Variants in SHQ1 observed in about 807,000 individuals in gnomAD.
The protein encoded by SHQ1 is SHQ1, H/ACA ribonucleoprotein assembly factor.
Under a neutral mutation model 53.8 loss-of-function variants are expected in SHQ1, and 49 were observed. The observed-to-expected ratio is 0.91, with a 90% CI of 0.72 to 1.16. SHQ1 has a LOEUF of 1.16. Ranked by LOEUF, SHQ1 falls within the 50% of genes most tolerant of loss-of-function variation. SHQ1 has a pLI of 0.00. For missense variants in SHQ1, 738 were observed against 683.1 expected (o/e 1.08, Z -0.90); for synonymous variants, 243 against 251.0 (o/e 0.97, Z 0.30).
At chr3:72,739,304 C>T in the SHQ1 span, among the ~76,000 whole-genome samples, 1 of 152,192 alleles carries the variant, frequency 6.6e-6, no homozygotes, top group Non-Finnish European at 1.5e-5. Context: ...CCGACAATCC[C>T]CCTCCTCATC....
chr3:72,829,237 T>C (rs948489817), intron 5 of SHQ1, among the ~76,000 whole-genome samples: 4 of 152,184 alleles, frequency 2.6e-5, no homozygotes, highest in East Asian at 1.9e-4. Context: ...TTTGGACATG[T>C]TGAACAGAGG....
At chr3:72,786,351 T>C (rs961008408) in intron 10 of SHQ1, among the ~76,000 whole-genome samples, 75 of 152,194 alleles carry the variant, frequency 4.9e-4, no homozygotes, top group African/African-American at 1.8e-3. Flanking sequence ...CTTAAAACTC[T>C]TCAGATGCTC....
Position 72,792,784 on chromosome 3 carries a change from CAAAAAAAAAAAA to C in SHQ1, c.1181+120_1181+131del, listed in dbSNP as rs59948195. On this transcript the variant is annotated intron_variant, in intron 10 of 10. Coordinates refer to ENST00000325599, the MANE Select transcript of SHQ1 (RefSeq NM_018130.3). ...GGGTGACAAGGGCAAACCTCCATCT[CAAAAAAAAAAAA>C]AAAAAAAAAAAAAAACACAACTTAC... 1.4e-4 allele frequency: 35 copies of C among 258,902 alleles called. No individual in the cohort carries two copies. In the East Asian group the frequency reaches 2.2e-3, roughly 16 times the overall value. The allele number at this position is 258,902 out of a possible 1,614,324, so 16.0% of individuals were successfully genotyped here.
chr3:72,792,808 A>AC, intron 10 of SHQ1, 108 bp downstream of exon 10: 1 of 813,976 alleles, frequency 1.2e-6, no homozygotes, highest in African/African-American at 1.9e-5. Flanking sequence ...AAAAAAAAAA[A>AC]AAACACAACT....
chr3:72,843,343 T>C (rs1467472215), intron 2 of SHQ1, among the ~76,000 whole-genome samples: 3 of 152,186 alleles, frequency 2.0e-5, no homozygotes, highest in Admixed American at 6.5e-5. Flanking sequence ...TATGGCTTAA[T>C]AAGGTTTTCT....
chr3:72,750,118 A>C lies in SHQ1; in HGVS notation c.*166T>G, dbSNP rs1455579690. 5 of 624,890 alleles carry C rather than the reference A, an allele frequency of 8.0e-6. No homozygotes were observed. The highest frequency in any genetic ancestry group is 1.4e-5 in the Non-Finnish European group (5 of 364,426). The allele number at this position is 624,890 out of a possible 1,614,324, so 38.7% of individuals were successfully genotyped here. ...TTGGTACAGATGCGATTTTTTCTTC[A>C]ATATTTTTGATCTGCAGTTGGTTGA... On this transcript the variant is annotated 3_prime_UTR_variant, in exon 11 of 11. Transcript: ENST00000325599.
chr3:72,789,985 A>G (rs1009262331), intron 10 of SHQ1, among the ~76,000 whole-genome samples: 6 of 152,340 alleles, frequency 3.9e-5, no homozygotes, highest in African/African-American at 1.4e-4. Context: ...GACCTGACCT[A>G]TCTCTTATAA....
intron 4 of SHQ1, 81 bp from the exon 5 acceptor site, chr3:72,832,562 A>C (rs1443366770): frequency 2.7e-5 from 25 of 919,586 alleles, no homozygotes; most frequent in Middle Eastern, 3.4e-4. Flanking sequence ...CAAAATGCCA[A>C]AGCACAGGAA....
chr3:72,784,679 T>C (rs1184258864), intron 10 of SHQ1, among the ~76,000 whole-genome samples: 1 of 152,234 alleles, frequency 6.6e-6, no homozygotes, highest in Non-Finnish European at 1.5e-5. Context: ...TGCTAATCAT[T>C]AGCAGCTAAT....
At chr3:72,744,071 T>C in the SHQ1 span, among the ~76,000 whole-genome samples, 10 of 152,326 alleles carry the variant, frequency 6.6e-5, no homozygotes, top group African/African-American at 2.4e-4. Context: ...TTTTGTATTA[T>C]GGGCGAGGCT....
chr3:72,835,619 T>C (rs551425290), intron 4 of SHQ1, among the ~76,000 whole-genome samples: 4 of 152,164 alleles, frequency 2.6e-5, no homozygotes, highest in Non-Finnish European at 4.4e-5. Flanking sequence ...CTAACTGCGC[T>C]GAGAGTAGCC....
downstream of SHQ1, among the ~76,000 whole-genome samples, chr3:72,745,013 C>G (rs2106688917): frequency 6.6e-6 from 1 of 151,076 alleles, no homozygotes; most frequent in Non-Finnish European, 1.5e-5. Flanking sequence ...TATTCCTATA[C>G]TAAGTTTTAA....
At chr3:72,747,104 C>T (rs1015428187), downstream of SHQ1, among the ~76,000 whole-genome samples, 1 of 152,132 alleles carries the variant, frequency 6.6e-6, no homozygotes, top group Non-Finnish European at 1.5e-5. Context: ...AAGCATCATA[C>T]CCTTTCTTGA....
chr3:72,762,423 C>T (rs1030449230), intron 10 of SHQ1, among the ~76,000 whole-genome samples: 1 of 152,188 alleles, frequency 6.6e-6, no homozygotes, highest in Non-Finnish European at 1.5e-5. Flanking sequence ...AGATCAAATT[C>T]ACAGAGATGG....
At chr3:72,796,101 C>CAAA (rs555086403) in intron 9 of SHQ1, among the ~76,000 whole-genome samples, 133 of 40,324 alleles carry the variant, frequency 3.3e-3, no homozygotes, top group African/African-American at 8.3e-3. Flanking sequence ...GACTCCATCT[C>CAAA]AAAAAAAAAA....
rs1215047458 is a variant in SHQ1 at position 72,833,574 on chromosome 3, A to ATTT, written c.487-1096_487-1094dup. Among the ~76,000 whole-genome samples, 204 of 135,222 alleles carry ATTT rather than the reference A, an allele frequency of 1.5e-3. 1 individual carries two copies. The highest frequency in any genetic ancestry group is 5.0e-3 in the African/African-American group (194 of 38,572). The allele number at this position is 135,222 out of a possible 152,430, so 88.7% of individuals were successfully genotyped here. On this transcript the variant is annotated intron_variant, in intron 4 of 10. Coordinates refer to ENST00000325599, the MANE Select transcript of SHQ1 (RefSeq NM_018130.3). ...ATAGATAGATAGATAGATAGATAGAATTTTTACGGGCAATTTTGATGCACA... is the reference window on the plus strand; with the variant it reads ...ATAGATAGATAGATAGATAGATAGAATTTTTTTTACGGGCAATTTTGATGCACA...
At chr3:72,748,877 C>A (rs1050098919), downstream of SHQ1, among the ~76,000 whole-genome samples, 4 of 151,860 alleles carry the variant, frequency 2.6e-5, no homozygotes, top group African/African-American at 9.7e-5. Flanking sequence ...ATTGCTTGAA[C>A]CTGGGAGGGT....
intron 9 of SHQ1, chr3:72,810,068 C>T (rs1203075587): frequency 1.3e-5 from 2 of 151,934 alleles, no homozygotes; most frequent in South Asian, 4.2e-4. Context: ...GTGATGCTCC[C>T]ATGAAAAACT....
At chr3:72,732,371 TG>T in the SHQ1 span, among the ~76,000 whole-genome samples, 3 of 131,318 alleles carry the variant, frequency 2.3e-5, no homozygotes, top group African/African-American at 9.2e-5. Flanking sequence ...CCTGCCTGCC[TG>T]CCTGCCTGCC....
Sources: gnomAD v4.1 joint callset for allele counts (sites outside exome capture counted in the v4.1 genomes callset) on GRCh38, gnomAD v4.1.1 for gene constraint, MANE v1.5 for transcripts, NCBI Gene and HGNC (gene_info 2026-07-23, HGNC 2026-07-21) for gene names.